SEPTIN9: variants seen among roughly 807,000 people sequenced by gnomAD.
SEPTIN9 encodes septin-9.
In SEPTIN9, 13 loss-of-function variants were observed where a neutral mutation model predicts 56.6. The ratio of observed to expected loss-of-function variants is 0.23; its 90% confidence interval spans 0.15 to 0.37. The LOEUF (loss-of-function observed/expected upper bound fraction) is 0.37. Among genes scored for constraint, SEPTIN9 ranks in the 10% least tolerant of loss-of-function variants. The pLI is 1.00. For synonymous variants in SEPTIN9, 332 were observed against 334.1 expected (o/e 0.99, Z 0.07); for missense variants, 650 against 823.1 (o/e 0.79, Z 2.57).
rs10599395 is a variant in SEPTIN9 at position 77,466,054 on chromosome 17, TCACACACACACACA to T, written c.722-16050_722-16037del. 9.8e-3 allele frequency among the ~76,000 whole-genome samples: 1,248 copies of T among 127,468 alleles called. 21 individuals carry two copies. Among genetic ancestry groups the T allele is most frequent in the South Asian group, 0.089 (319 of 3,572 alleles). The allele number at this position is 127,468 out of a possible 152,430, so 83.6% of individuals were successfully genotyped here. ...TATAAGTTACCATGTTTCTGGACTG[TCACACACACACACA>T]CACACACACACACACACACACACAC... On this transcript the variant is annotated intron_variant, in intron 3 of 11. Coordinates refer to ENST00000427177, the MANE Select transcript of SEPTIN9 (RefSeq NM_001113491.2).
At position 77,330,920 on chromosome 17, in the gene SEPTIN9, G is replaced by A. The variant is rs1408597813; in HGVS notation, c.76+23723G>A. Among the ~76,000 whole-genome samples the A allele has an allele frequency of 6.6e-6, 1 of 152,226 alleles. No individual in the cohort carries two copies. Among genetic ancestry groups the A allele is most frequent in the Non-Finnish European group, 1.5e-5 (1 of 68,046 alleles). ...AATTCACCCTGCCCAGCCCCACACA[G>A]CTTGTCCCTCCAGCTGGGAATCGGA... On this transcript the variant is annotated intron_variant, in intron 2 of 11. Coordinates refer to ENST00000427177, the MANE Select transcript of SEPTIN9 (RefSeq NM_001113491.2). The surrounding 1 kb of genome is among the most constrained non-coding windows in gnomAD (Gnocchi z 4.4).
chr17:77,440,120 C>G (rs1011810484), intron 3 of SEPTIN9, among the ~76,000 whole-genome samples: 2 of 152,104 alleles, frequency 1.3e-5, no homozygotes, highest in African/African-American at 4.8e-5. Context: ...CGACAAAACA[C>G]TCATGGCATT....
Position 77,487,034 on chromosome 17 carries a change from C to T in SEPTIN9, c.914-390C>T, listed in dbSNP as rs2039821765. Among the ~76,000 whole-genome samples the T allele has an allele frequency of 1.3e-5, 2 of 152,212 alleles. No homozygotes were observed. The highest frequency in any genetic ancestry group is 2.9e-5 in the Non-Finnish European group (2 of 68,036). On this transcript the variant is annotated intron_variant, in intron 4 of 11. Coordinates refer to ENST00000427177, the MANE Select transcript of SEPTIN9 (RefSeq NM_001113491.2). The surrounding 1 kb of genome is among the most constrained non-coding windows in gnomAD (Gnocchi z 4.3). ...GGTGAACTGCAGGAATCCCGGCCAC[C>T]TGGTGCACCCTGGGCAGCCCTGGGC...
At chr17:77,430,317 T>C (rs533980303) in intron 3 of SEPTIN9, among the ~76,000 whole-genome samples, 18 of 152,288 alleles carry the variant, frequency 1.2e-4, no homozygotes, top group Admixed American at 6.5e-4. Context: ...AATCTGTCCC[T>C]GGAAAGTCTC....
chr17:77,452,367 A>G (rs1464174207), intron 3 of SEPTIN9, among the ~76,000 whole-genome samples: 1 of 152,200 alleles, frequency 6.6e-6, no homozygotes, highest in Non-Finnish European at 1.5e-5. Flanking sequence ...AGGCAATGCC[A>G]TCTGCTCCTG....
At chr17:77,370,231 G>A (rs2034678735) in intron 2 of SEPTIN9, among the ~76,000 whole-genome samples, 1 of 152,202 alleles carries the variant, frequency 6.6e-6, no homozygotes, top group African/African-American at 2.4e-5. Context: ...AAATCAAGGT[G>A]CCAGCAGGGC....
At chr17:77,320,079 C>A (rs2032851579) in intron 2 of SEPTIN9, 17 of 1,418,502 alleles carry the variant, frequency 1.2e-5, no homozygotes, top group Admixed American at 2.9e-5. Context: ...CTTTTTCCTC[C>A]CGTTTTGAAG....
At chr17:77,345,923 T>G (rs1356109540) in intron 2 of SEPTIN9, among the ~76,000 whole-genome samples, 1 of 129,660 alleles carries the variant, frequency 7.7e-6, no homozygotes, top group East Asian at 2.4e-4. Context: ...AGATTCTTTG[T>G]TTTTTTTGTT....
At chr17:77,486,012 C>T (rs1287064770) in intron 4 of SEPTIN9, among the ~76,000 whole-genome samples, 1 of 152,046 alleles carries the variant, frequency 6.6e-6, no homozygotes, top group African/African-American at 2.4e-5. Context: ...GACAGGGTTT[C>T]ACCATGTTGG....
chr17:77,461,672 G>A (rs984200411), intron 3 of SEPTIN9, among the ~76,000 whole-genome samples: 1 of 152,246 alleles, frequency 6.6e-6, no homozygotes, highest in Non-Finnish European at 1.5e-5. Context: ...CAAAGTGATT[G>A]TATTAGGGTC....
chr17:77,451,632 G>C lies in SEPTIN9; in HGVS notation c.722-30512G>C, dbSNP rs1455410562. On this transcript the variant is annotated intron_variant, in intron 3 of 11. Coordinates refer to ENST00000427177, the MANE Select transcript of SEPTIN9 (RefSeq NM_001113491.2). The surrounding 1 kb of genome is among the most constrained non-coding windows in gnomAD (Gnocchi z 4.2). ...CCCTGATGGCCATGGTGGCGGTGCC[G>C]GGAGCCACGCTGTCCCTGGGCCCCG... The C allele has an allele frequency of 1.2e-6, 1 of 868,052 alleles. No homozygotes were observed. Among genetic ancestry groups the C allele is most frequent in the Non-Finnish European group, 1.4e-6 (1 of 722,658 alleles). The allele number at this position is 868,052 out of a possible 1,614,324, so 53.8% of individuals were successfully genotyped here.
At position 77,400,532 on chromosome 17, in the gene SEPTIN9, G is replaced by T. The variant is rs369123056; in HGVS notation, c.77-1527G>T. 6.6e-6 allele frequency: 1 copy of T among 152,238 alleles called. No homozygotes were observed. The highest frequency in any genetic ancestry group is 2.4e-5 in the African/African-American group (1 of 41,448). The allele number at this position is 152,238 out of a possible 1,614,324, so 9.4% of individuals were successfully genotyped here. ...GGCAGCTGAGGCGGCCAGGGTTAGG[G>T]GGTTGGGCTTCCTCTTCCCCTCCCC... On this transcript the variant is annotated intron_variant, in intron 2 of 11. Coordinates refer to ENST00000427177, the MANE Select transcript of SEPTIN9 (RefSeq NM_001113491.2). The surrounding 1 kb of genome is among the most constrained non-coding windows in gnomAD (Gnocchi z 4.1).
chr17:77,361,169 C>A (rs527661936), intron 2 of SEPTIN9, among the ~76,000 whole-genome samples: 7 of 152,262 alleles, frequency 4.6e-5, no homozygotes, highest in Admixed American at 3.9e-4. Flanking sequence ...GGTGATCCAC[C>A]CGCCTTGGCC....
In SEPTIN9 at chr17:77,492,288, TA is replaced by T. The variant is rs1198867555; in HGVS notation, c.1381-332del. On this transcript the variant is annotated intron_variant, in intron 8 of 11. Transcript: ENST00000427177. The surrounding 1 kb of genome is among the most constrained non-coding windows in gnomAD (Gnocchi z 5.4). ...ACTGGGGACTGTGACGAGGGTTTTTTAGGAAGGGTTTCAGGAGGGGAGGTCT... is the reference window on the plus strand; with the variant it reads ...ACTGGGGACTGTGACGAGGGTTTTTTGGAAGGGTTTCAGGAGGGGAGGTCT... Among the ~76,000 whole-genome samples the T allele has an allele frequency of 1.3e-5, 2 of 151,878 alleles. No homozygotes were observed. Among genetic ancestry groups the T allele is most frequent in the Non-Finnish European group, 2.9e-5 (2 of 67,924 alleles).
intron 5 of SEPTIN9, 61 bp from the exon 6 acceptor site, chr17:77,488,179 G>A: frequency 6.6e-7 from 1 of 1,520,182 alleles, no homozygotes; most frequent in Non-Finnish European, 9.1e-7. Context: ...TCAGTCAGGT[G>A]TGGGGTGTCT....
At chr17:77,459,826 C>T (rs1405141020) in intron 3 of SEPTIN9, among the ~76,000 whole-genome samples, 1 of 152,154 alleles carries the variant, frequency 6.6e-6, no homozygotes, top group Non-Finnish European at 1.5e-5. Context: ...CAGGCGCATG[C>T]CACCGCGCCC....
intron 10 of SEPTIN9, among the ~76,000 whole-genome samples, chr17:77,495,881 G>A (rs2040236134): frequency 6.6e-6 from 1 of 152,216 alleles, no homozygotes; most frequent in African/African-American, 2.4e-5. Context: ...TTTTAACTTG[G>A]GGAAAAGCCA....
chr17:77,308,863 T>C (rs1399731288), intron 2 of SEPTIN9, among the ~76,000 whole-genome samples: 3 of 152,278 alleles, frequency 2.0e-5, no homozygotes, highest in East Asian at 3.9e-4. Context: ...CGTGTCCACA[T>C]TGAGTGCATG....
chr17:77,390,852 G>A (rs1250228736), intron 2 of SEPTIN9, among the ~76,000 whole-genome samples: 7 of 152,170 alleles, frequency 4.6e-5, no homozygotes, highest in Non-Finnish European at 1.0e-4. Context: ...TAGGGCGACC[G>A]TATAACTTAC....
Sources: gnomAD v4.1 joint callset for allele counts (sites outside exome capture counted in the v4.1 genomes callset) on GRCh38, gnomAD v4.1.1 for gene constraint, Gnocchi (gnomAD v3.1) non-coding constraint, MANE v1.5 for transcripts, NCBI Gene and HGNC (gene_info 2026-07-23, HGNC 2026-07-21) for gene names.